Variants in AGBL4 observed in about 807,000 individuals in gnomAD.
The protein encoded by AGBL4 is cytosolic carboxypeptidase 6.
In AGBL4, 58 loss-of-function variants were observed where a neutral mutation model predicts 66.4. The observed-to-expected ratio is 0.87, with a 90% CI of 0.71 to 1.09. The LOEUF (loss-of-function observed/expected upper bound fraction) is 1.09, where lower values mean the gene tolerates loss of function less well. Ranked by LOEUF, AGBL4 falls within the 50% of genes least tolerant of loss-of-function variation. The pLI, the probability that AGBL4 is intolerant of heterozygous loss-of-function variation, is 0.00. For missense variants in AGBL4, 579 were observed against 631.0 expected (o/e 0.92, Z 0.88); for synonymous variants, 234 against 222.9 (o/e 1.05, Z -0.44).
intron 2 of AGBL4, among the ~76,000 whole-genome samples, chr1:49,706,727 A>G (rs1647239252): frequency 6.6e-6 from 1 of 152,130 alleles, no homozygotes; most frequent in African/African-American, 2.4e-5. Context: ...GCTGTGTCCC[A>G]GAGATGCTGG....
chr1:48,751,175 C>T (rs1388272889), intron 6 of AGBL4, among the ~76,000 whole-genome samples: 1 of 152,158 alleles, frequency 6.6e-6, no homozygotes, highest in African/African-American at 2.4e-5. Context: ...AAGAAAACTC[C>T]AGGAATTGTC....
At chr1:49,934,914 C>A (rs964378644) in intron 1 of AGBL4, among the ~76,000 whole-genome samples, 3 of 151,912 alleles carry the variant, frequency 2.0e-5, no homozygotes, top group African/African-American at 7.3e-5. Flanking sequence ...ATACAGAAAA[C>A]AGGCGATTTC....
chr1:48,817,331 C>A (rs577810538), intron 6 of AGBL4, among the ~76,000 whole-genome samples: 5 of 152,264 alleles, frequency 3.3e-5, no homozygotes, highest in Non-Finnish European at 7.4e-5. Flanking sequence ...ATACAAAGAA[C>A]GTAACATAAT....
At chr1:49,915,230 A>G (rs973908058) in intron 1 of AGBL4, among the ~76,000 whole-genome samples, 1 of 152,096 alleles carries the variant, frequency 6.6e-6, no homozygotes, top group Non-Finnish European at 1.5e-5. Flanking sequence ...CATGTTGGAC[A>G]GTGGGTGCAG....
intron 5 of AGBL4, among the ~76,000 whole-genome samples, chr1:48,989,324 G>T (rs1272758733): frequency 6.6e-6 from 1 of 151,868 alleles, no homozygotes; most frequent in Non-Finnish European, 1.5e-5. Context: ...TCACATCAAG[G>T]TAAATGGGGT....
chr1:48,665,767 T>C (rs963660861), intron 6 of AGBL4, among the ~76,000 whole-genome samples: 9 of 99,918 alleles, frequency 9.0e-5, no homozygotes, highest in African/African-American at 3.7e-4. Flanking sequence ...ATATTGCTTT[T>C]TCACTTAAAA....
At chr1:50,007,166 G>A (rs979256533) in intron 1 of AGBL4, among the ~76,000 whole-genome samples, 2 of 151,972 alleles carry the variant, frequency 1.3e-5, no homozygotes, top group African/African-American at 4.8e-5. Context: ...TAAAATAATG[G>A]GTTATAAGAA....
At chr1:49,289,874 A>C (rs936157412) in intron 3 of AGBL4, among the ~76,000 whole-genome samples, 1 of 152,146 alleles carries the variant, frequency 6.6e-6, no homozygotes, top group Non-Finnish European at 1.5e-5. Flanking sequence ...TGAAACAGAA[A>C]GTTAACAAAA....
intron 3 of AGBL4, among the ~76,000 whole-genome samples, chr1:49,416,427 T>G (rs1008226025): frequency 6.6e-6 from 1 of 152,156 alleles, no homozygotes; most frequent in South Asian, 2.1e-4. Flanking sequence ...AGTTATGTGA[T>G]TTGTGGTATA....
chr1:48,635,472 G>A (rs772086218), intron 8 of AGBL4, among the ~76,000 whole-genome samples: 4 of 152,164 alleles, frequency 2.6e-5, no homozygotes, highest in South Asian at 2.1e-4. Context: ...TTTCACTAGC[G>A]TCCTGCCTAG....
intron 4 of AGBL4, among the ~76,000 whole-genome samples, chr1:49,155,113 T>C (rs779298756): frequency 2.9e-4 from 44 of 152,202 alleles, no homozygotes; most frequent in Non-Finnish European, 5.7e-4. Context: ...TTAGCACTTA[T>C]AACCTTGCTA....
In AGBL4 at chr1:49,681,432, T is replaced by G. The variant is rs141739951; in HGVS notation, c.282+15881A>C. On this transcript the variant is annotated intron_variant, in intron 3 of 13. Coordinates refer to ENST00000371839, the MANE Select transcript of AGBL4 (RefSeq NM_032785.4). ...AGAAGTCCAGATTCTCCACTTGCCT[T>G]ATATTGATATCAGAAGGATGAAGGG... Among the ~76,000 whole-genome samples, 778 of 152,236 alleles carry G rather than the reference T, an allele frequency of 5.1e-3. 9 individuals are homozygous for G. The highest frequency in any genetic ancestry group is 7.2e-3 in the Non-Finnish European group (491 of 68,010).
At chr1:49,490,314 CTT>C (rs1647163105) in intron 3 of AGBL4, among the ~76,000 whole-genome samples, 1 of 151,568 alleles carries the variant, frequency 6.6e-6, no homozygotes. Context: ...AATGTTGTAA[CTT>C]ATTTTAAATT....
intron 2 of AGBL4, among the ~76,000 whole-genome samples, chr1:49,831,315 G>A (rs574057829): frequency 6.6e-6 from 1 of 152,206 alleles, no homozygotes; most frequent in East Asian, 1.9e-4. Context: ...CCTTGAAGAG[G>A]TCCTTCACAT....
At chr1:49,131,087 T>C (rs1217938851) in intron 4 of AGBL4, among the ~76,000 whole-genome samples, 2 of 152,114 alleles carry the variant, frequency 1.3e-5, no homozygotes, top group African/African-American at 4.8e-5. Flanking sequence ...ATTCAATAAA[T>C]TATTGTTATC....
chr1:48,615,367 T>G (rs1366851157), intron 9 of AGBL4, among the ~76,000 whole-genome samples: 1 of 152,110 alleles, frequency 6.6e-6, no homozygotes, highest in Non-Finnish European at 1.5e-5. Flanking sequence ...CTTACCAAGA[T>G]GTAGGGAGGG....
Position 49,045,669 on chromosome 1 carries a change from G to A in AGBL4, c.509C>T (p.Thr170Ile). The A allele has an allele frequency of 6.3e-7, 1 of 1,582,236 alleles. No homozygotes were observed. Among genetic ancestry groups the A allele is most frequent in the Non-Finnish European group, 8.6e-7 (1 of 1,162,550 alleles). The change falls in exon 5 of 14, where the codon ACA (threonine) becomes ATA (isoleucine). Residue 170 changes from threonine to isoleucine, a missense_variant. By Grantham distance (89) the Thr-to-Ile change is moderately conservative. Transcript: ENST00000371839. The part of the protein sequence containing the change: ...IYQFAYCYPY[T>I]YTRFQHYLDS... ...AAGGTAATGTTGGAAGCGAGTGTATGTATATGGGTAGCAGTAAGCAAACTG... is the reference window on the plus strand; with the variant it reads ...AAGGTAATGTTGGAAGCGAGTGTATATATATGGGTAGCAGTAAGCAAACTG...
chr1:49,069,658 G>C (rs939276382), intron 4 of AGBL4, among the ~76,000 whole-genome samples: 1 of 151,880 alleles, frequency 6.6e-6, no homozygotes, highest in Non-Finnish European at 1.5e-5. Flanking sequence ...TTTGAAGTCA[G>C]GTAGCGTGAC....
rs370461984 is a variant in AGBL4, at chr1:48,680,727, A to G, written c.635-17486T>C. On this transcript the variant is annotated intron_variant, in intron 6 of 13. Coordinates refer to ENST00000371839, the MANE Select transcript of AGBL4 (RefSeq NM_032785.4). ...TTGGCACCCAAGGCTCTGAAATATCAATATATGTTCGGAGACTGTGGTGAG... is the reference window on the plus strand; with the variant it reads ...TTGGCACCCAAGGCTCTGAAATATCGATATATGTTCGGAGACTGTGGTGAG... Among the ~76,000 whole-genome samples, 207 of 152,346 alleles carry G rather than the reference A, an allele frequency of 1.4e-3. 4 individuals carry two copies. In the South Asian group the frequency reaches 0.039, roughly 28 times the overall value.
Sources: allele counts gnomAD v4.1 joint callset (sites outside exome capture counted in the v4.1 genomes callset), GRCh38; gene constraint gnomAD v4.1.1; transcripts MANE v1.5; gene names NCBI Gene and HGNC (gene_info 2026-07-23, HGNC 2026-07-21).